CNTN5: variants seen among roughly 807,000 people sequenced by gnomAD.
CNTN5 encodes contactin 5, also known as contactin-5.
Under a neutral mutation model 129.1 loss-of-function variants are expected in CNTN5, and 77 were observed. The ratio of observed to expected loss-of-function variants is 0.60; its 90% CI spans 0.50 to 0.72. The LOEUF is 0.72. CNTN5 is among the 30% of genes least tolerant of loss of function. CNTN5 has a pLI of 0.00. For missense variants in CNTN5, 1,478 were observed against 1,328.8 expected (o/e 1.11, Z -1.75); for synonymous variants, 509 against 465.6 (o/e 1.09, Z -1.20).
intron 6 of CNTN5, among the ~76,000 whole-genome samples, chr11:99,893,392 A>G (rs1277550062): frequency 6.6e-6 from 1 of 152,180 alleles, no homozygotes; most frequent in Non-Finnish European, 1.5e-5. Flanking sequence ...AGATTTTTAA[A>G]TTTGTTATCT....
intron 1 of CNTN5, among the ~76,000 whole-genome samples, chr11:99,166,759 CTTTTTTTTTTTGGTTTTTG>C (rs1860893354): frequency 6.9e-6 from 1 of 143,938 alleles, no homozygotes; most frequent in South Asian, 2.2e-4. Flanking sequence ...TTTCCTTTTT[CTTTTTTTTTTTGGTTTTTG>C]TTTTTTCATT....
At position 99,638,240 on chromosome 11, in the gene CNTN5, C is replaced by G. The variant is rs77000530; in HGVS notation, c.55+81971C>G. On this transcript the variant is annotated intron_variant, in intron 3 of 24. Transcript: ENST00000524871. ...AACCCACTGAATCTCATGAGACTTACTATCATGAGACTAGCACGGGAAAGA... is the reference window on the plus strand; with the variant it reads ...AACCCACTGAATCTCATGAGACTTAGTATCATGAGACTAGCACGGGAAAGA... 6.8e-3 allele frequency among the ~76,000 whole-genome samples: 1,039 copies of G among 152,216 alleles called. 68 individuals are homozygous for G. The East Asian group carries it at 0.16, about 24-fold the overall frequency.
intron 3 of CNTN5, among the ~76,000 whole-genome samples, chr11:99,770,652 A>C (rs1477449524): frequency 6.6e-6 from 1 of 151,964 alleles, no homozygotes; most frequent in Non-Finnish European, 1.5e-5. Flanking sequence ...TAATGCACAG[A>C]TCTTTCATAA....
chr11:99,228,593 C>A (rs1007377152), intron 1 of CNTN5, among the ~76,000 whole-genome samples: 3 of 151,900 alleles, frequency 2.0e-5, no homozygotes, highest in African/African-American at 7.3e-5. Flanking sequence ...GTTACATGTA[C>A]CCCTAAATGT....
At chr11:100,318,198 G>A (rs189923530) in intron 21 of CNTN5, among the ~76,000 whole-genome samples, 2,807 of 136,756 alleles carry the variant, frequency 0.021, 92 homozygotes, top group African/African-American at 0.074. Flanking sequence ...CCGAGATCGC[G>A]CCACTGCACT....
intron 9 of CNTN5, among the ~76,000 whole-genome samples, chr11:100,036,494 A>G (rs1285929165): frequency 6.7e-6 from 1 of 149,034 alleles, no homozygotes; most frequent in Non-Finnish European, 1.5e-5. Flanking sequence ...GTTTTTTCCA[A>G]TTCTGTGAAG....
chr11:99,830,948 G>T (rs1947120616), intron 4 of CNTN5, among the ~76,000 whole-genome samples: 1 of 151,990 alleles, frequency 6.6e-6, no homozygotes. Context: ...AAATCTATAG[G>T]CTGAATTTCT....
chr11:99,834,843 T>C (rs536296402), intron 4 of CNTN5, among the ~76,000 whole-genome samples: 3 of 152,302 alleles, frequency 2.0e-5, no homozygotes, highest in African/African-American at 7.2e-5. Context: ...TTTACAAGTT[T>C]AGTTTAAACA....
intron 13 of CNTN5, among the ~76,000 whole-genome samples, chr11:100,094,482 T>C (rs1252064015): frequency 6.6e-6 from 1 of 152,162 alleles, no homozygotes; most frequent in Non-Finnish European, 1.5e-5. Flanking sequence ...CTTTTAAACC[T>C]TTTAAGACTT....
chr11:99,486,951 A>G (rs1485907996), intron 2 of CNTN5, among the ~76,000 whole-genome samples: 4 of 152,214 alleles, frequency 2.6e-5, no homozygotes, highest in African/African-American at 9.6e-5. Flanking sequence ...AAATAAGGTA[A>G]TTTAAGGGGA....
intron 4 of CNTN5, among the ~76,000 whole-genome samples, chr11:99,841,607 C>T (rs978780216): frequency 6.7e-6 from 1 of 149,398 alleles, no homozygotes; most frequent in Non-Finnish European, 1.5e-5. Flanking sequence ...AAAGAAGCAG[C>T]AGAAGCAGCA....
intron 1 of CNTN5, among the ~76,000 whole-genome samples, chr11:99,316,184 A>G (rs1278991018): frequency 6.6e-6 from 1 of 150,476 alleles, no homozygotes; most frequent in Non-Finnish European, 1.5e-5. Flanking sequence ...AGATTCTGAT[A>G]AAATAGTTAG....
At chr11:99,671,763 C>T (rs1953054484) in intron 3 of CNTN5, among the ~76,000 whole-genome samples, 1 of 152,138 alleles carries the variant, frequency 6.6e-6, no homozygotes. Flanking sequence ...ATAAAAATTA[C>T]TTCTGAGAAA....
At chr11:99,239,331 T>C (rs940230123) in intron 1 of CNTN5, among the ~76,000 whole-genome samples, 5 of 152,310 alleles carry the variant, frequency 3.3e-5, no homozygotes, top group African/African-American at 9.6e-5. Context: ...ATGTCTGAGT[T>C]TTGAGTGATA....
chr11:99,204,576 A>C (rs1859378738), intron 1 of CNTN5, among the ~76,000 whole-genome samples: 1 of 152,202 alleles, frequency 6.6e-6, no homozygotes, highest in South Asian at 2.1e-4. Context: ...TCAGAAAATC[A>C]CGACTAGCTT....
chr11:99,148,216 A>G (rs1455362504), intron 1 of CNTN5, among the ~76,000 whole-genome samples: 2 of 152,200 alleles, frequency 1.3e-5, no homozygotes, highest in African/African-American at 4.8e-5. Flanking sequence ...TCAGTGAGAT[A>G]AGTGACTTTA....
intron 16 of CNTN5, among the ~76,000 whole-genome samples, chr11:100,252,963 C>T (rs1464850984): frequency 3.3e-5 from 5 of 152,152 alleles, no homozygotes; most frequent in African/African-American, 1.2e-4. Flanking sequence ...CAAACAGTCA[C>T]AGGCCAGCTC....
At position 99,221,244 on chromosome 11, in the gene CNTN5, GA is replaced by G. The variant is rs148480835; in HGVS notation, c.-209-104099del. On this transcript the variant is annotated intron_variant, in intron 1 of 24. Transcript: ENST00000524871. ...TTTTTAATAATTTTAATTTGACTTT[GA>G]AAGGATTTAATATATTTCTAATTCA... Among the ~76,000 whole-genome samples, 174 of 151,936 alleles carry G rather than the reference GA, an allele frequency of 1.1e-3. 4 individuals are homozygous for G. The East Asian group carries it at 0.027, about 24-fold the overall frequency.
Position 99,660,642 on chromosome 11 carries a change from A to C in CNTN5, c.55+104373A>C, listed in dbSNP as rs147482065. ...ATGTATTTTTGGTAGAGCCAGCATG[A>C]CTTGTTTGAAATAAAGAAAATAATG... On this transcript the variant is annotated intron_variant, in intron 3 of 24. Coordinates refer to ENST00000524871, the MANE Select transcript of CNTN5 (RefSeq NM_014361.4). Among the ~76,000 whole-genome samples, 532 of 152,236 alleles carry C rather than the reference A, an allele frequency of 3.5e-3. 6 individuals carry two copies. The highest frequency in any genetic ancestry group is 0.012 in the African/African-American group (513 of 41,562).
Sources: allele counts gnomAD v4.1 joint callset (sites outside exome capture counted in the v4.1 genomes callset), GRCh38; gene constraint gnomAD v4.1.1; transcripts MANE v1.5; gene names NCBI Gene and HGNC (gene_info 2026-07-23, HGNC 2026-07-21).